Variants in AKT3 observed in about 807,000 individuals in gnomAD.
The protein encoded by AKT3 is RAC-gamma serine/threonine-protein kinase.
AKT3 carries 15 observed loss-of-function variants against 65.3 expected under a neutral mutation model. The observed-to-expected ratio is 0.23, with a 90% CI of 0.15 to 0.35. AKT3 has a LOEUF of 0.35. Among genes scored for constraint, AKT3 ranks in the 10% least tolerant of loss-of-function variants. The probability of loss-of-function intolerance (pLI) is 1.00; values close to 1 mark genes in which losing one functional copy is unlikely to be tolerated. For missense variants in AKT3, 243 were observed against 576.5 expected (o/e 0.42, Z 5.92); for synonymous variants, 206 against 183.8 (o/e 1.12, Z -0.98).
intron 2 of AKT3, among the ~76,000 whole-genome samples, chr1:243,706,752 A>G (rs1685831507): frequency 6.6e-6 from 1 of 152,228 alleles, no homozygotes; most frequent in Non-Finnish European, 1.5e-5. Context: ...GAATGTCCTC[A>G]GCCAGGCACT....
At chr1:243,758,879 G>A (rs893112351) in intron 2 of AKT3, among the ~76,000 whole-genome samples, 4 of 152,186 alleles carry the variant, frequency 2.6e-5, no homozygotes, top group Admixed American at 2.6e-4. Context: ...ACAGGCTGGG[G>A]GTTGGGGACA....
chr1:243,693,118 T>C (rs7517921), intron 3 of AKT3, among the ~76,000 whole-genome samples: 35,624 of 149,898 alleles, frequency 0.24, 4,623 homozygotes, highest in African/African-American at 0.32. Flanking sequence ...CTCTGTTCTT[T>C]TCATATAAAT....
At chr1:243,510,030 T>C (rs1669920342) in intron 13 of AKT3, among the ~76,000 whole-genome samples, 1 of 152,232 alleles carries the variant, frequency 6.6e-6, no homozygotes, top group Non-Finnish European at 1.5e-5. Flanking sequence ...TGGCTTGACA[T>C]TTTAGAGCCT....
At chr1:243,815,776 A>AGTTGTTGTTGTT (rs145906932) in intron 2 of AKT3, among the ~76,000 whole-genome samples, 1,934 of 147,296 alleles carry the variant, frequency 0.013, 30 homozygotes, top group African/African-American at 0.025. Flanking sequence ...ACACCCAGCT[A>AGTTGTTGTTGTT]GTTGTTGTTG....
At chr1:243,609,806 TCTG>T (rs778355285) in intron 8 of AKT3, among the ~76,000 whole-genome samples, 21 of 152,192 alleles carry the variant, frequency 1.4e-4, no homozygotes, top group Non-Finnish European at 2.5e-4. Flanking sequence ...AATCTGAAAA[TCTG>T]CTTTTAGTGT....
chr1:243,683,611 C>T (rs1356686680), intron 3 of AKT3, among the ~76,000 whole-genome samples: 2 of 151,864 alleles, frequency 1.3e-5, no homozygotes, highest in East Asian at 3.9e-4. Flanking sequence ...CACCTATCAA[C>T]AAGTAATAGT....
At chr1:243,681,976 A>C (rs1683956741) in intron 3 of AKT3, among the ~76,000 whole-genome samples, 1 of 152,096 alleles carries the variant, frequency 6.6e-6, no homozygotes, top group African/African-American at 2.4e-5. Context: ...CGATGTATTA[A>C]TTATAAAATG....
intron 2 of AKT3, among the ~76,000 whole-genome samples, chr1:243,732,740 T>C (rs1174156500): frequency 6.6e-6 from 1 of 152,192 alleles, no homozygotes; most frequent in African/African-American, 2.4e-5. Flanking sequence ...TGCAGCTAAT[T>C]ATGTATATTC....
intron 2 of AKT3, among the ~76,000 whole-genome samples, chr1:243,744,662 C>T (rs1688368043): frequency 6.6e-6 from 1 of 150,760 alleles, no homozygotes; most frequent in Non-Finnish European, 1.5e-5. Context: ...TGGCGTGAAC[C>T]CGGGAGGCGG....
At chr1:243,507,366 T>C (rs1012588572) in intron 13 of AKT3, among the ~76,000 whole-genome samples, 1 of 152,228 alleles carries the variant, frequency 6.6e-6, no homozygotes, top group Non-Finnish European at 1.5e-5. Context: ...ATTCTGAATC[T>C]AGGAAATTTC....
At chr1:243,774,771 A>C (rs960746381) in intron 2 of AKT3, among the ~76,000 whole-genome samples, 5 of 152,214 alleles carry the variant, frequency 3.3e-5, no homozygotes, top group Non-Finnish European at 7.3e-5. Context: ...TAAATTATTA[A>C]TAAAATTCAC....
chr1:243,567,448 C>T (rs920941869), intron 9 of AKT3, among the ~76,000 whole-genome samples: 5 of 151,312 alleles, frequency 3.3e-5, no homozygotes, highest in Admixed American at 2.0e-4. Context: ...CACAGGCGCA[C>T]ACCACTACCA....
intron 5 of AKT3, among the ~76,000 whole-genome samples, chr1:243,638,663 T>G (rs1680151665): frequency 6.6e-6 from 1 of 152,162 alleles, no homozygotes; most frequent in African/African-American, 2.4e-5. Flanking sequence ...AAACTCAGTT[T>G]AGAGGTTTAT....
chr1:243,677,683 TC>T (rs538960413), intron 3 of AKT3, among the ~76,000 whole-genome samples: 1 of 152,138 alleles, frequency 6.6e-6, no homozygotes, highest in East Asian at 1.9e-4. Flanking sequence ...AAAGGATTTT[TC>T]CCCCTTGGAG....
intron 2 of AKT3, among the ~76,000 whole-genome samples, chr1:243,795,138 C>CTTT (rs879274798): frequency 7.1e-6 from 1 of 141,212 alleles, no homozygotes; most frequent in Non-Finnish European, 1.5e-5. Context: ...TCTATGTCTA[C>CTTT]TTTTTTTTTT....
At chr1:243,815,500 T>G (rs1479070825) in intron 2 of AKT3, among the ~76,000 whole-genome samples, 1 of 152,186 alleles carries the variant, frequency 6.6e-6, no homozygotes, top group African/African-American at 2.4e-5. Flanking sequence ...AGGCTCTACA[T>G]GCTTTCACTA....
chr1:243,674,837 A>G (rs371337980), intron 3 of AKT3, among the ~76,000 whole-genome samples: 14 of 152,178 alleles, frequency 9.2e-5, no homozygotes, highest in African/African-American at 3.1e-4. Context: ...TTTTAAAAAA[A>G]TTTTCAATTC....
At chr1:243,491,842 C>T (rs1241770741) in intron 13 of AKT3, among the ~76,000 whole-genome samples, 1 of 152,204 alleles carries the variant, frequency 6.6e-6, no homozygotes, top group Admixed American at 6.5e-5. Flanking sequence ...GTCCTCATGT[C>T]CGGGTTAGAG....
chr1:243,494,458 T>C (rs190722631), intron 13 of AKT3, among the ~76,000 whole-genome samples: 3 of 152,332 alleles, frequency 2.0e-5, no homozygotes, highest in Admixed American at 2.0e-4. Flanking sequence ...TTTTAAAAAA[T>C]GACACAAGAC....
Sources: gnomAD v4.1 joint callset for allele counts (sites outside exome capture counted in the v4.1 genomes callset) on GRCh38, gnomAD v4.1.1 for gene constraint, MANE v1.5 for transcripts, NCBI Gene and HGNC (gene_info 2026-07-23, HGNC 2026-07-21) for gene names.